Variants in MAP7D3 observed in about 807,000 individuals in gnomAD.
MAP7D3 encodes MAP7 domain-containing protein 3.
In MAP7D3, 45 loss-of-function variants were observed where a neutral mutation model predicts 62.2. The observed-to-expected ratio is 0.72, with a 90% CI of 0.57 to 0.93. The LOEUF (loss-of-function observed/expected upper bound fraction) is 0.93. Among genes scored for constraint, MAP7D3 ranks in the 40% least tolerant of loss-of-function variants. The pLI is 0.00. For missense variants in MAP7D3, 711 were observed against 683.1 expected (o/e 1.04, Z -0.45); for synonymous variants, 288 against 248.8 (o/e 1.16, Z -1.48).
At chrX:136,236,435 A>G (rs1276280106) in intron 6 of MAP7D3, 96 bp from the exon 7 acceptor site, 1 of 409,461 alleles carries the variant, frequency 2.4e-6, no homozygotes, top group Non-Finnish European at 4.1e-6. Flanking sequence ...TATGTTCTCT[A>G]CCTTGCTTAT....
chrX:136,247,826 G>T (rs2074465345), intron 1 of MAP7D3, among the ~76,000 whole-genome samples: 1 of 111,838 alleles, frequency 8.9e-6, no homozygotes, highest in South Asian at 3.7e-4. Flanking sequence ...AAACAATAAA[G>T]TACTTGTAGT....
intron 6 of MAP7D3, 34 bp downstream of exon 6, chrX:136,240,348 G>T: frequency 1.2e-6 from 1 of 856,041 alleles, no homozygotes; most frequent in Non-Finnish European, 1.7e-6. Context: ...TCATTTAATA[G>T]AAATTCAGTA....
chrX:136,255,884 AG>A (rs1264325464), upstream of MAP7D3, among the ~76,000 whole-genome samples: 1 of 111,822 alleles, frequency 8.9e-6, no homozygotes, highest in East Asian at 2.8e-4. Context: ...CAGAAACCAC[AG>A]TCATAACAGG....
chrX:136,220,688 C>A, intron 16 of MAP7D3, 77 bp downstream of exon 16: 1 of 835,734 alleles, frequency 1.2e-6, no homozygotes, highest in Non-Finnish European at 1.8e-6. Context: ...CACAAGAGAT[C>A]ATATTTATCT....
At chrX:136,228,040 A>G (rs961131284) in intron 11 of MAP7D3, among the ~76,000 whole-genome samples, 7 of 111,893 alleles carry the variant, frequency 6.3e-5, no homozygotes, top group Non-Finnish European at 1.3e-4. Context: ...ACAGAGGTTT[A>G]CATTATAAGG....
intron 6 of MAP7D3, among the ~76,000 whole-genome samples, chrX:136,237,169 T>C (rs2074339078): frequency 8.9e-6 from 1 of 112,272 alleles, no homozygotes; most frequent in African/African-American, 3.2e-5. Context: ...TAATTTCTCT[T>C]TTGGGGATTT....
intron 14 of MAP7D3, among the ~76,000 whole-genome samples, chrX:136,222,945 G>GTC (rs1394021454): frequency 1.8e-5 from 2 of 109,478 alleles, no homozygotes; most frequent in Non-Finnish European, 3.8e-5. Context: ...GGACTCGAGT[G>GTC]ATCTCCCGTC....
At chrX:136,250,019 T>C (rs1328872462) in intron 1 of MAP7D3, among the ~76,000 whole-genome samples, 1 of 112,330 alleles carries the variant, frequency 8.9e-6, no homozygotes, top group African/African-American at 3.2e-5. Flanking sequence ...GTAATGCTGG[T>C]TAATCTAAAT....
In MAP7D3 at chrX:136,219,624, G is replaced by A. The variant is rs974772794; in HGVS notation, c.2534C>T (p.Ala845Val). The change falls in exon 17 of 19, where the codon GCG becomes GTG. Residue 845 changes from alanine (A) to valine (V), a missense_variant. Ala to Val is a moderately conservative substitution (Grantham distance 64). Coordinates refer to ENST00000316077, the MANE Select transcript of MAP7D3 (RefSeq NM_024597.4). ...TCTGCTGGTGGTGTTGGTTTCATCC[G>A]CCTTTCTGGTTTTCGTTGTGTGACT... ...MTSHTTKTRKADETNTTSRSS... is the reference protein window; with the variant it reads ...MTSHTTKTRKVDETNTTSRSS... 3 of 1,207,751 alleles carry A rather than the reference G, an allele frequency of 2.5e-6. No individual in the cohort carries two copies. The highest frequency in any genetic ancestry group is 3.4e-6 in the Non-Finnish European group (3 of 891,813).
In MAP7D3 at chrX:136,217,450, T is replaced by C. The variant is rs1233785519; in HGVS notation, c.*1076A>G. The C allele has an allele frequency of 8.9e-6, 1 of 111,754 alleles. No individual in the cohort carries two copies. The highest frequency in any genetic ancestry group is 3.2e-5 in the African/African-American group (1 of 30,770). The allele number at this position is 111,754 out of a possible 1,213,427, so 9.2% of individuals were successfully genotyped here. On this transcript the variant is annotated 3_prime_UTR_variant, in exon 19 of 19. Transcript: ENST00000316077. ...ATGTTTCTGTAGATAAACACCAATA[T>C]GTCCTTCAAAAGGAAACACTGACAA...
At chrX:136,249,608 G>A (rs2148424993) in intron 1 of MAP7D3, among the ~76,000 whole-genome samples, 1 of 111,959 alleles carries the variant, frequency 8.9e-6, no homozygotes, top group Admixed American at 9.5e-5. Context: ...TAAAATAAAT[G>A]TATTTTGACT....
In MAP7D3 at chrX:136,227,349, G is replaced by A. The variant is rs1281250861; in HGVS notation, c.1969C>T (p.Gln657Ter). 1.7e-6 allele frequency: 2 copies of A among 1,205,318 alleles called. No individual in the cohort carries two copies. The highest frequency in any genetic ancestry group is 3.5e-5 in the South Asian group (2 of 56,635). Residue 657 changes from glutamine (Q) to a stop codon, truncating the protein, a stop_gained, in exon 12 of 19, where the codon CAA becomes TAA. Coordinates refer to ENST00000316077, the MANE Select transcript of MAP7D3 (RefSeq NM_024597.4). LOFTEE classifies it high-confidence loss of function. ...TTCTTCTTTTTAGTCTCATTTTGTTGCTGCCCATCTTTGAGTTTCAAGTGG... is the reference window on the plus strand; with the variant it reads ...TTCTTCTTTTTAGTCTCATTTTGTTACTGCCCATCTTTGAGTTTCAAGTGG... Reference protein sequence around the residue: ...EDHLKLKDGQQQNETKKKKGW... With the variant: ...EDHLKLKDGQ
Position 136,236,277 on chromosome X carries a change from T to C in MAP7D3, c.703A>G (p.Thr235Ala). The C allele has an allele frequency of 8.4e-7, 1 of 1,195,505 alleles. No homozygotes were observed. ...NRRDSNLHSS[T>A]DKEQAERKPR... ...TTCCTTTCGGCTTGTTCTTTATCAG[T>C]AGACGAATGTAGGTTACTATCTCTT... Residue 235 changes from threonine (T) to alanine (A), a missense_variant, in exon 7 of 19, where the codon ACT becomes GCT. Thr to Ala is a moderately conservative substitution (Grantham distance 58). Coordinates refer to ENST00000316077, the MANE Select transcript of MAP7D3 (RefSeq NM_024597.4).
intron 18 of MAP7D3, 54 bp from the exon 19 acceptor site, chrX:136,218,547 A>C (rs2074085849): frequency 8.9e-6 from 1 of 111,811 alleles, no homozygotes; most frequent in Non-Finnish European, 1.9e-5. Flanking sequence ...CTAGTCTCAC[A>C]GCAACTTGTC....
At chrX:136,249,302 C>T (rs2074480081) in intron 1 of MAP7D3, among the ~76,000 whole-genome samples, 1 of 112,090 alleles carries the variant, frequency 8.9e-6, no homozygotes, top group Non-Finnish European at 1.9e-5. Context: ...AGAAATTATT[C>T]TTTGAAAAAG....
intron 4 of MAP7D3, 143 bp downstream of exon 4, chrX:136,244,488 AG>A: frequency 2.0e-6 from 1 of 497,344 alleles, no homozygotes; most frequent in Non-Finnish European, 3.3e-6. Flanking sequence ...TATAATGCTG[AG>A]GGGAAGAGGA....
chrX:136,216,359 T>TAAAAAAA (rs58245551), downstream of MAP7D3, among the ~76,000 whole-genome samples: 5 of 25,488 alleles, frequency 2.0e-4, no homozygotes, highest in African/African-American at 3.5e-4. Context: ...ACCCTATCTC[T>TAAAAAAA]AAAAAAAAAA....
intron 14 of MAP7D3, 36 bp from the exon 15 acceptor site, chrX:136,222,522 T>C (rs373662457): frequency 1.9e-6 from 2 of 1,027,880 alleles, no homozygotes; most frequent in Non-Finnish European, 2.7e-6. Context: ...TTATGCCTAA[T>C]ATTCAATCAT....
intron 14 of MAP7D3, among the ~76,000 whole-genome samples, chrX:136,222,832 GTTT>G (rs769168177): frequency 1.1e-5 from 1 of 87,064 alleles, no homozygotes; most frequent in Non-Finnish European, 2.3e-5. Flanking sequence ...GTTTTTGACT[GTTT>G]TTTTTTTTTT....
Sources: allele counts gnomAD v4.1 joint callset (sites outside exome capture counted in the v4.1 genomes callset), GRCh38; gene constraint gnomAD v4.1.1; transcripts MANE v1.5; gene names NCBI Gene and HGNC (gene_info 2026-07-23, HGNC 2026-07-21).